LMBRD1: variants seen among roughly 807,000 people sequenced by gnomAD.
LMBRD1 encodes lysosomal cobalamin transport escort protein LMBD1.
In LMBRD1, 64 loss-of-function variants were observed where a neutral mutation model predicts 74.8. The observed-to-expected ratio is 0.86, with a 90% CI of 0.70 to 1.05. The LOEUF (loss-of-function observed/expected upper bound fraction) is 1.05, where lower values mean the gene tolerates loss of function less well. LMBRD1 is among the 50% of genes least tolerant of loss of function. The pLI, the probability that LMBRD1 is intolerant of heterozygous loss-of-function variation, is 0.00. For missense variants in LMBRD1, 652 were observed against 645.9 expected, an observed-to-expected ratio of 1.01 and a Z score of -0.10; for synonymous variants, 204 against 216.3, an observed-to-expected ratio of 0.94 and a Z score of 0.50.
chr6:69,727,984 T>C (rs1206135804), intron 7 of LMBRD1, among the ~76,000 whole-genome samples: 1 of 152,198 alleles, frequency 6.6e-6, no homozygotes, highest in Non-Finnish European at 1.5e-5. Context: ...ACTCATTGTA[T>C]TAGTCCGTTC....
intron 8 of LMBRD1, among the ~76,000 whole-genome samples, chr6:69,716,401 G>A (rs1766491945): frequency 6.6e-6 from 1 of 151,856 alleles, no homozygotes; most frequent in East Asian, 1.9e-4. Flanking sequence ...TGATTTTTTG[G>A]CCACATGTAT....
intron 3 of LMBRD1, among the ~76,000 whole-genome samples, chr6:69,768,291 T>C (rs1765509845): frequency 6.6e-6 from 1 of 151,894 alleles, no homozygotes; most frequent in African/African-American, 2.4e-5. Context: ...TAAAAGTTAG[T>C]TTCTACATTA....
chr6:69,688,736 G>T (rs1479386373), intron 14 of LMBRD1, among the ~76,000 whole-genome samples: 1 of 133,592 alleles, frequency 7.5e-6, no homozygotes, highest in African/African-American at 2.6e-5. Flanking sequence ...GGTAATAAAA[G>T]ATATTTATTT....
In LMBRD1 at chr6:69,699,031, T is replaced by C. The variant is rs746565654; in HGVS notation, c.1338+12A>G. 1.3e-6 allele frequency: 2 copies of C among 1,535,890 alleles called. No homozygotes were observed. Among genetic ancestry groups the C allele is most frequent in the Admixed American group, 1.7e-5 (1 of 59,478 alleles). ...AATATCAAAATAATCAAGTTTCAAA[T>C]ATTTCACTTACCTCTATTAAGTAAT... On this transcript the variant is annotated intron_variant, in intron 13 of 15. Coordinates refer to ENST00000649934, the MANE Select transcript of LMBRD1 (RefSeq NM_018368.4).
At position 69,752,288 on chromosome 6, in the gene LMBRD1, T is replaced by C. The variant is rs1170149970; in HGVS notation, c.376A>G (p.Lys126Glu). 7.5e-6 allele frequency: 12 copies of C among 1,610,682 alleles called. No individual in the cohort carries two copies. The highest frequency in any genetic ancestry group is 1.0e-5 in the Non-Finnish European group (12 of 1,177,378). ...CATTTACTAGTATCATCATCATCCTTTTCTTCATAATAGAAGTAGACAAAA... is the reference window on the plus strand; with the variant it reads ...CATTTACTAGTATCATCATCATCCTCTTCTTCATAATAGAAGTAGACAAAA... ...IPFVYFYYEEKDDDDTSKCTQ... is the reference protein window; with the variant it reads ...IPFVYFYYEEEDDDDTSKCTQ... Residue 126 changes from lysine (K) to glutamate (E), a missense_variant, in exon 4 of 16, where the codon AAG becomes GAG. Physicochemically the swap from Lys to Glu is moderately conservative, Grantham distance 56. Around this residue, in one of 3 missense-constraint regions of LMBRD1, gnomAD observed 598 missense variants for 581.8 expected, o/e 1.03. Transcript: ENST00000649934.
At chr6:69,736,347 C>A (rs954943122) in intron 7 of LMBRD1, among the ~76,000 whole-genome samples, 1 of 152,164 alleles carries the variant, frequency 6.6e-6, no homozygotes, top group African/African-American at 2.4e-5. Context: ...CTTCCCTAAG[C>A]TCAGGGTTCC....
At chr6:69,780,399 C>A in intron 3 of LMBRD1, 95 bp downstream of exon 3, 1 of 921,000 alleles carries the variant, frequency 1.1e-6, no homozygotes, top group Non-Finnish European at 1.8e-6. Flanking sequence ...TCTAATTCGA[C>A]CCAAGAGGAA....
intron 3 of LMBRD1, among the ~76,000 whole-genome samples, chr6:69,763,027 G>T (rs115904959): frequency 1.4e-3 from 211 of 151,388 alleles, no homozygotes; most frequent in African/African-American, 4.8e-3. Context: ...CTAAAAATAT[G>T]GAGGTCGCTT....
At chr6:69,738,143 T>C in intron 6 of LMBRD1, 128 bp from the exon 7 acceptor site, 2 of 635,872 alleles carry the variant, frequency 3.1e-6, no homozygotes, top group South Asian at 2.2e-5. Flanking sequence ...TGTATTACCG[T>C]ATTCTTGAAG....
intron 5 of LMBRD1, among the ~76,000 whole-genome samples, chr6:69,745,548 G>A (rs1458675008): frequency 1.3e-5 from 2 of 152,026 alleles, no homozygotes; most frequent in Non-Finnish European, 2.9e-5. Flanking sequence ...GTGAGCCACC[G>A]CGCCCGGCCA....
At chr6:69,738,069 A>G in intron 6 of LMBRD1, 54 bp from the exon 7 acceptor site, 14 of 1,277,492 alleles carry the variant, frequency 1.1e-5, no homozygotes, top group Non-Finnish European at 1.6e-5. Flanking sequence ...TCAAATCCTT[A>G]TATTTAGCAA....
intron 2 of LMBRD1, among the ~76,000 whole-genome samples, chr6:69,788,964 T>G (rs1766020430): frequency 6.6e-6 from 1 of 152,228 alleles, no homozygotes; most frequent in South Asian, 2.1e-4. Context: ...ATACTACTAC[T>G]TATCTCACAG....
At chr6:69,776,162 A>C (rs1765695539) in intron 3 of LMBRD1, among the ~76,000 whole-genome samples, 1 of 152,232 alleles carries the variant, frequency 6.6e-6, no homozygotes, top group Non-Finnish European at 1.5e-5. Flanking sequence ...CAACTGTCTT[A>C]TTTGGCATTT....
At chr6:69,676,668 T>C in intron 14 of LMBRD1, 127 bp from the exon 15 acceptor site, 2 of 785,214 alleles carry the variant, frequency 2.5e-6, no homozygotes, top group Non-Finnish European at 4.3e-6. Flanking sequence ...GTGTCAGAGA[T>C]GGTACTGAAA....
chr6:69,738,589 G>C (rs79369079), intron 6 of LMBRD1, among the ~76,000 whole-genome samples: 1 of 144,672 alleles, frequency 6.9e-6, no homozygotes, highest in Non-Finnish European at 1.5e-5. Flanking sequence ...CGAGAAAATA[G>C]GTTTAAAAAT....
intron 8 of LMBRD1, among the ~76,000 whole-genome samples, chr6:69,718,147 G>A (rs1484083665): frequency 1.3e-5 from 2 of 152,082 alleles, no homozygotes; most frequent in Non-Finnish European, 2.9e-5. Context: ...CTTTGAGTAA[G>A]ATTTATCTGT....
At chr6:69,793,590 A>G (rs1766138682) in intron 1 of LMBRD1, among the ~76,000 whole-genome samples, 1 of 152,230 alleles carries the variant, frequency 6.6e-6, no homozygotes, top group Non-Finnish European at 1.5e-5. Context: ...GATTTGATAT[A>G]GTAAAGACAG....
intron 7 of LMBRD1, among the ~76,000 whole-genome samples, chr6:69,728,555 T>C (rs74638262): frequency 0.031 from 4,660 of 152,308 alleles, 102 homozygotes; most frequent in Non-Finnish European, 0.047. Flanking sequence ...GTTCCCTGAA[T>C]GCACTAACTG....
intron 14 of LMBRD1, among the ~76,000 whole-genome samples, chr6:69,691,875 C>CAAAAAA (rs34100007): frequency 7.7e-5 from 5 of 64,988 alleles, no homozygotes; most frequent in African/African-American, 1.4e-4. Flanking sequence ...GACTCCGTCT[C>CAAAAAA]AAAAAAAAAA....
Sources: allele counts gnomAD v4.1 joint callset (sites outside exome capture counted in the v4.1 genomes callset), GRCh38; gene constraint gnomAD v4.1.1; regional missense constraint gnomAD v4.1.1; transcripts MANE v1.5; gene names NCBI Gene and HGNC (gene_info 2026-07-23, HGNC 2026-07-21).